TTI2: variants seen among roughly 807,000 people sequenced by gnomAD.
TTI2 encodes the protein TELO2 interacting protein 2, also known as TELO2-interacting protein 2.
TTI2 carries 26 observed loss-of-function variants against 44.9 expected under a neutral mutation model. That is an observed-to-expected ratio of 0.58 (90% confidence interval 0.42 to 0.80). The LOEUF is 0.80. TTI2 is among the 30% of genes least tolerant of loss of function. The pLI, the probability that TTI2 is intolerant of heterozygous loss-of-function variation, is 0.00. For missense variants in TTI2, 582 were observed against 611.6 expected (o/e 0.95, Z 0.51); for synonymous variants, 254 against 250.9 (o/e 1.01, Z -0.12).
In TTI2 at chr8:33,498,969, A is replaced by G; in HGVS notation, c.*204T>C. 1 of 596,798 alleles carries G rather than the reference A, an allele frequency of 1.7e-6. No homozygotes were observed. The highest frequency in any genetic ancestry group is 2.9e-6 in the Non-Finnish European group (1 of 340,004). 37.0% of individuals were successfully genotyped at this position (596,798 alleles called of 1,614,324 possible). ...TTACTTGGTGTCCTTTTTTCTCCCA[A>G]ACTTTATTTAGAAATGGAAGGAGTT... is the stretch of plus-strand genomic sequence containing the variant. On this transcript the variant is annotated 3_prime_UTR_variant, in exon 8 of 8. Coordinates refer to ENST00000431156, the MANE Select transcript of TTI2 (RefSeq NM_001102401.4).
intron 6 of TTI2, chr8:33,500,849 G>A: frequency 5.2e-6 from 1 of 192,052 alleles, no homozygotes; most frequent in East Asian, 1.4e-4. Flanking sequence ...ACTGAACTAT[G>A]CTTGGAGAGA....
In TTI2 at chr8:33,505,896, G is replaced by A. The variant is rs571639212; in HGVS notation, c.927+1333C>T. Among the ~76,000 whole-genome samples, 3 of 152,172 alleles carry A rather than the reference G, an allele frequency of 2.0e-5. No individual in the cohort carries two copies. The South Asian group carries it at 6.2e-4, about 32-fold the overall frequency. ...TCTCGATCTCCCGACCTCGTGATCC[G>A]CCCACCTCAGCCTCTCAAAGTGCTA... On this transcript the variant is annotated intron_variant, in intron 4 of 7. Coordinates refer to ENST00000431156, the MANE Select transcript of TTI2 (RefSeq NM_001102401.4).
Position 33,512,230 on chromosome 8 carries a change from C to G in TTI2, c.384G>C (p.Glu128Asp). The G allele has an allele frequency of 6.2e-7, 1 of 1,614,170 alleles. No homozygotes were observed. Among genetic ancestry groups the G allele is most frequent in the Non-Finnish European group, 8.5e-7 (1 of 1,180,048 alleles). The change falls in exon 2 of 8, where the codon GAG (glutamate) becomes GAC (aspartate). Residue 128 changes from glutamate (E) to aspartate (D), a missense_variant. Physicochemically the swap from Glu to Asp is conservative, Grantham distance 45. Transcript: ENST00000431156. ...LLFLKLLGKV[E>D]TAKNSLVGPA... is the part of the protein sequence containing the mutation. ...GGCCGACCAGGGAATTCTTAGCAGTCTCAACTTTCCCTAACAGTTTAAGAA... is the reference window on the plus strand; with the variant it reads ...GGCCGACCAGGGAATTCTTAGCAGTGTCAACTTTCCCTAACAGTTTAAGAA...
At chr8:33,509,347 C>T (rs923057681) in intron 3 of TTI2, among the ~76,000 whole-genome samples, 2 of 150,098 alleles carry the variant, frequency 1.3e-5, no homozygotes, top group Non-Finnish European at 3.0e-5. Flanking sequence ...ATCCCAGCTA[C>T]TCGGGAGGCA....
chr8:33,511,232 G>A (rs1489843213), intron 2 of TTI2, among the ~76,000 whole-genome samples: 1 of 151,898 alleles, frequency 6.6e-6, no homozygotes, highest in African/African-American at 2.4e-5. Context: ...TAGTAGAGAT[G>A]GGGTTTCACA....
At chr8:33,503,292 T>G in intron 6 of TTI2, 137 bp downstream of exon 6, 1 of 1,254,342 alleles carries the variant, frequency 8.0e-7, no homozygotes, top group South Asian at 1.3e-5. Context: ...CAGTTTAAAA[T>G]CCTATAGGTG....
intron 3 of TTI2, among the ~76,000 whole-genome samples, chr8:33,507,956 T>C (rs1238922633): frequency 1.4e-5 from 2 of 140,712 alleles, no homozygotes; most frequent in Non-Finnish European, 3.0e-5. Context: ...GCCACTGCAC[T>C]CTAGCCTGGG....
At chr8:33,511,906 T>TA (rs1054657937) in intron 2 of TTI2, 61 bp downstream of exon 2, 2 of 1,543,962 alleles carry the variant, frequency 1.3e-6, no homozygotes, top group Non-Finnish European at 1.8e-6. Flanking sequence ...AAATAAATAA[T>TA]AAAAAATAAA....
At chr8:33,502,755 G>A (rs1809133342) in intron 6 of TTI2, among the ~76,000 whole-genome samples, 1 of 152,130 alleles carries the variant, frequency 6.6e-6, no homozygotes. Flanking sequence ...GAATCCAGGA[G>A]GCAGAGGTTG....
At position 33,512,278 on chromosome 8, in the gene TTI2, T is replaced by C; in HGVS notation, c.336A>G (p.Lys112=). The change falls in exon 2 of 8, where the codon AAA becomes AAG. Residue 112 remains lysine, a synonymous_variant. Transcript: ENST00000431156. ...GGDGHSEAAE[K]AAQVGLLFLK... ...GAAACAGTAACCCAACTTGGGCTGC[T>C]TTCTCGGCCGCTTCGGAGTGCCCAT... The C allele has an allele frequency of 6.2e-7, 1 of 1,614,176 alleles. No individual in the cohort carries two copies. Among genetic ancestry groups the C allele is most frequent in the Non-Finnish European group, 8.5e-7 (1 of 1,180,032 alleles).
Position 33,512,069 on chromosome 8 carries a change from A to G in TTI2, c.545T>C (p.Val182Ala), listed in dbSNP as rs763961263. The G allele has an allele frequency of 6.2e-7, 1 of 1,614,096 alleles. No homozygotes were observed. Among genetic ancestry groups the G allele is most frequent in the Non-Finnish European group, 8.5e-7 (1 of 1,180,024 alleles). ...TCCTGCCACAGAACCGCATTCAGTA[A>G]CTTGAAGCAGTGAGGTGAGCACCTC... ...AREVLTSLLQ[V>A]TECGSVAGFL... The change falls in exon 2 of 8, where the codon GTT becomes GCT. Residue 182 changes from valine (V) to alanine (A), a missense_variant. Val to Ala is a moderately conservative substitution (Grantham distance 64). Coordinates refer to ENST00000431156, the MANE Select transcript of TTI2 (RefSeq NM_001102401.4).
intron 7 of TTI2, 60 bp downstream of exon 7, chr8:33,500,268 T>C: frequency 6.3e-7 from 1 of 1,596,918 alleles, no homozygotes; most frequent in Non-Finnish European, 8.6e-7. Flanking sequence ...TTATAATCAA[T>C]CATGGGAATT....
intron 3 of TTI2, among the ~76,000 whole-genome samples, chr8:33,509,334 G>A (rs1809428068): frequency 6.6e-6 from 1 of 150,752 alleles, no homozygotes; most frequent in African/African-American, 2.4e-5. Context: ...GCACGCACCT[G>A]TAATCCCAGC....
intron 4 of TTI2, among the ~76,000 whole-genome samples, chr8:33,504,688 C>T (rs1226670341): frequency 2.0e-5 from 3 of 151,988 alleles, no homozygotes; most frequent in Non-Finnish European, 4.4e-5. Flanking sequence ...AAAAATCTTA[C>T]AACATTTTAA....
At position 33,498,750 on chromosome 8, in the gene TTI2, T is replaced by G; in HGVS notation, c.*423A>C. 1.2e-6 allele frequency: 1 copy of G among 844,900 alleles called. No individual in the cohort carries two copies. The highest frequency in any genetic ancestry group is 1.8e-6 in the Non-Finnish European group (1 of 547,926). 52.3% of individuals were successfully genotyped at this position (844,900 alleles called of 1,614,324 possible). ...TTTGTGTTGTACTGAACACAATATT[T>G]GTGTTTTTATTATTTATGCCACGTC... On this transcript the variant is annotated 3_prime_UTR_variant, in exon 8 of 8. Transcript: ENST00000431156.
rs764089397 is a variant in TTI2 at position 33,509,755 on chromosome 8, C to G, written c.825G>C (p.Val275=). ...GCCAGAGGTTGCTTACCACATTAAG[C>G]ACAATGTGATGGAGACAGTGTACAC... ...ILGVHCLHHI[V]LNVPAADLLQ... is the part of the protein sequence containing the mutation. The change falls in exon 3 of 8, where the codon GTG becomes GTC. Residue 275 remains valine, a synonymous_variant. Transcript: ENST00000431156. 54 of 1,613,952 alleles carry G rather than the reference C, an allele frequency of 3.3e-5. No homozygotes were observed. Among genetic ancestry groups the G allele is most frequent in the Non-Finnish European group, 4.3e-5 (51 of 1,180,014 alleles).
chr8:33,511,109 C>A (rs982002267), intron 2 of TTI2, among the ~76,000 whole-genome samples: 26 of 152,118 alleles, frequency 1.7e-4, no homozygotes, highest in African/African-American at 5.6e-4. Context: ...GTGGCCCGAT[C>A]TCAGCTCACT....
intron 4 of TTI2, 131 bp downstream of exon 4, chr8:33,507,098 C>T: frequency 1.3e-6 from 1 of 790,020 alleles, no homozygotes; most frequent in Non-Finnish European, 2.1e-6. Flanking sequence ...TTTAACTTGG[C>T]AACGCTTTTA....
At position 33,512,183 on chromosome 8, in the gene TTI2, T is replaced by A. The variant is rs139667147; in HGVS notation, c.431A>T (p.His144Leu). ...LVGPAWQTGL[H>L]HLAGPVYIFA... The stretch of plus-strand genomic sequence containing the variant: ...AATATAAACGGGTCCTGCCAAGTGA[T>A]GCAGGCCCGTCTGCCATGCAGGGCC... The change falls in exon 2 of 8, where the codon CAT becomes CTT. Residue 144 changes from histidine to leucine, a missense_variant. Coordinates refer to ENST00000431156, the MANE Select transcript of TTI2 (RefSeq NM_001102401.4). 6.2e-7 allele frequency: 1 copy of A among 1,614,094 alleles called. No individual in the cohort carries two copies. The highest frequency in any genetic ancestry group is 2.2e-5 in the East Asian group (1 of 44,888).
Sources: gnomAD v4.1 joint callset for allele counts (sites outside exome capture counted in the v4.1 genomes callset) on GRCh38, gnomAD v4.1.1 for gene constraint, MANE v1.5 for transcripts, NCBI Gene and HGNC (gene_info 2026-07-23, HGNC 2026-07-21) for gene names.